The following SCN10A variants were observed in gnomAD, a reference collection of about 807,000 sequenced individuals.
The protein encoded by SCN10A is sodium voltage-gated channel alpha subunit 10, also known as sodium channel protein type 10 subunit alpha.
In SCN10A, 162 loss-of-function variants were observed where a neutral mutation model predicts 170.7. The observed-to-expected ratio is 0.95, with a 90% CI of 0.84 to 1.08. SCN10A has a LOEUF of 1.08. Ranked by LOEUF, SCN10A falls within the 50% of genes least tolerant of loss-of-function variation. The pLI is 0.00. For synonymous variants in SCN10A, 985 were observed against 904.6 expected (o/e 1.09, Z -1.59); for missense variants, 2,527 against 2,436.9 (o/e 1.04, Z -0.78).
At chr3:38,811,841 C>T (rs986720630) in intron 1 of SCN10A, among the ~76,000 whole-genome samples, 1 of 152,190 alleles carries the variant, frequency 6.6e-6, no homozygotes, top group African/African-American at 2.4e-5. Context: ...ATACTGATTT[C>T]CCACAAAGCT....
At chr3:38,720,677 G>A (rs1481180116) in intron 20 of SCN10A, among the ~76,000 whole-genome samples, 2 of 152,038 alleles carry the variant, frequency 1.3e-5, no homozygotes, top group Non-Finnish European at 2.9e-5. Context: ...GCAGGTCTGA[G>A]CTTCCTCCTG....
chr3:38,747,172 C>T (rs189095754), intron 13 of SCN10A, among the ~76,000 whole-genome samples: 1 of 152,132 alleles, frequency 6.6e-6, no homozygotes, highest in Admixed American at 6.5e-5. Context: ...GTTTCTCTGG[C>T]CTTTCTTACT....
intron 27 of SCN10A, among the ~76,000 whole-genome samples, chr3:38,700,159 T>C (rs2063141882): frequency 6.6e-6 from 1 of 152,132 alleles, no homozygotes; most frequent in South Asian, 2.1e-4. Flanking sequence ...CAAAAACTCC[T>C]ATTATGCTAA....
intron 5 of SCN10A, among the ~76,000 whole-genome samples, chr3:38,768,530 T>G (rs888551603): frequency 6.6e-6 from 1 of 152,218 alleles, no homozygotes; most frequent in Non-Finnish European, 1.5e-5. Context: ...TATTCTTGGC[T>G]GGCAATTATT....
At chr3:38,717,858 G>C (rs2063348831) in intron 21 of SCN10A, among the ~76,000 whole-genome samples, 1 of 152,256 alleles carries the variant, frequency 6.6e-6, no homozygotes, top group African/African-American at 2.4e-5. Context: ...GCAAAGCAAA[G>C]AAGGTAGTGG....
chr3:38,759,858 C>T (rs2063849379), intron 8 of SCN10A, among the ~76,000 whole-genome samples: 2 of 152,196 alleles, frequency 1.3e-5, no homozygotes, highest in African/African-American at 2.4e-5. Flanking sequence ...TCCTGGCCCA[C>T]TCCACTCATT....
intron 22 of SCN10A, 99 bp downstream of exon 22, chr3:38,713,859 C>T (rs2063301976): frequency 6.7e-7 from 1 of 1,482,916 alleles, no homozygotes; most frequent in Non-Finnish European, 9.2e-7. Context: ...AACTCCTAAC[C>T]TCAGGTGATC....
intron 18 of SCN10A, 113 bp downstream of exon 18, chr3:38,725,061 G>T: frequency 2.1e-6 from 2 of 949,768 alleles, no homozygotes; most frequent in Non-Finnish European, 3.0e-6. Flanking sequence ...GAGGTTATGT[G>T]ATTGAGTGCA....
chr3:38,707,097 G>A (rs2063218437), intron 26 of SCN10A, among the ~76,000 whole-genome samples, 182 bp downstream of exon 26: 1 of 152,154 alleles, frequency 6.6e-6, no homozygotes, highest in African/African-American at 2.4e-5. Flanking sequence ...CAGAAGACCA[G>A]AGTTGCTTCT....
chr3:38,710,739 C>G (rs1038429190), intron 24 of SCN10A, 105 bp downstream of exon 24: 45 of 1,090,198 alleles, frequency 4.1e-5, no homozygotes, highest in South Asian at 7.3e-5. Flanking sequence ...GCTGGGTGAT[C>G]GCCTCTTCCA....
At chr3:38,732,793 C>T (rs931004664) in intron 15 of SCN10A, among the ~76,000 whole-genome samples, 6 of 152,062 alleles carry the variant, frequency 3.9e-5, no homozygotes, top group African/African-American at 1.2e-4. Context: ...CTATGTTGGT[C>T]AAGACAGTAC....
At chr3:38,798,339 G>T (rs1358202863) in intron 1 of SCN10A, among the ~76,000 whole-genome samples, 1 of 152,148 alleles carries the variant, frequency 6.6e-6, no homozygotes, top group African/African-American at 2.4e-5. Context: ...GCCAGAGAAA[G>T]CCCTGGGCAG....
chr3:38,755,586 G>A (rs1437825623), intron 11 of SCN10A, among the ~76,000 whole-genome samples: 3 of 151,970 alleles, frequency 2.0e-5, no homozygotes, highest in East Asian at 3.9e-4. Flanking sequence ...ACTTCCCTAA[G>A]GTGTCCTTAT....
chr3:38,764,768 T>C lies in SCN10A; in HGVS notation c.600-1172A>G, dbSNP rs150711867. ...GCTGGACCAAATGGTAGTTCTACTT[T>C]TAGTTCTTTAAGGAATCTCCATAAC... On this transcript the variant is annotated intron_variant, in intron 5 of 27. Transcript: ENST00000449082. 3.1e-3 allele frequency among the ~76,000 whole-genome samples: 467 copies of C among 152,310 alleles called. 2 individuals carry two copies. The highest frequency in any genetic ancestry group is 0.01 in the African/African-American group (435 of 41,576).
intron 23 of SCN10A, among the ~76,000 whole-genome samples, chr3:38,711,792 G>T (rs1419602778): frequency 6.6e-6 from 1 of 152,224 alleles, no homozygotes; most frequent in Non-Finnish European, 1.5e-5. Context: ...CATTACAATA[G>T]ACCTAATGAG....
intron 14 of SCN10A, among the ~76,000 whole-genome samples, chr3:38,741,289 A>AACACACACACACACAC (rs60874265): frequency 9.5e-5 from 14 of 146,660 alleles, no homozygotes; most frequent in African/African-American, 3.2e-4. Context: ...CGTGTGTTTG[A>AACACACACACACACAC]ACACACACAC....
intron 26 of SCN10A, 37 bp from the exon 27 acceptor site, chr3:38,702,146 G>A (rs1399729038): frequency 6.6e-7 from 1 of 1,519,866 alleles, no homozygotes; most frequent in East Asian, 2.3e-5. Flanking sequence ...AGGGCCTTTG[G>A]GCCAGCACAA....
chr3:38,752,968 T>C (rs1485210477), intron 11 of SCN10A, among the ~76,000 whole-genome samples: 1 of 152,170 alleles, frequency 6.6e-6, no homozygotes, highest in Non-Finnish European at 1.5e-5. Context: ...GTGCACTTCA[T>C]TGTCTGAAAA....
intron 1 of SCN10A, among the ~76,000 whole-genome samples, chr3:38,800,194 T>C (rs1266514724): frequency 6.6e-6 from 1 of 152,186 alleles, no homozygotes; most frequent in Non-Finnish European, 1.5e-5. Context: ...TTCTCTGCAG[T>C]AACCACTGGC....
Sources: gnomAD v4.1 joint callset for allele counts (sites outside exome capture counted in the v4.1 genomes callset) on GRCh38, gnomAD v4.1.1 for gene constraint, MANE v1.5 for transcripts, NCBI Gene and HGNC (gene_info 2026-07-23, HGNC 2026-07-21) for gene names.